CARD8: variants seen among roughly 807,000 people sequenced by gnomAD.
The protein encoded by CARD8 is caspase recruitment domain-containing protein 8.
CARD8 carries 38 observed loss-of-function variants against 53.2 expected under a neutral mutation model. The observed-to-expected ratio is 0.71, with a 90% CI of 0.55 to 0.94. The LOEUF (loss-of-function observed/expected upper bound fraction) is 0.94, where lower values mean the gene tolerates loss of function less well. Among genes scored for constraint, CARD8 ranks in the 40% least tolerant of loss-of-function variants. CARD8 has a pLI of 0.00. For synonymous variants in CARD8, 245 were observed against 244.9 expected (o/e 1.00, Z 0.00); for missense variants, 561 against 655.5 (o/e 0.86, Z 1.57).
intron 5 of CARD8, 144 bp downstream of exon 5, chr19:48,238,239 T>C: frequency 1.5e-6 from 2 of 1,365,146 alleles, no homozygotes; most frequent in Admixed American, 2.9e-5. Context: ...AAATAAAAAC[T>C]TAAGATAACA....
At chr19:48,227,306 C>T (rs1005382490) in intron 10 of CARD8, among the ~76,000 whole-genome samples, 1 of 152,052 alleles carries the variant, frequency 6.6e-6, no homozygotes, top group Non-Finnish European at 1.5e-5. Context: ...CAAGTTGGAG[C>T]TCTGGAGAAT....
At chr19:48,223,855 C>A (rs1224079826) in intron 10 of CARD8, 1 of 456,164 alleles carries the variant, frequency 2.2e-6, no homozygotes, top group Non-Finnish European at 4.4e-6. Flanking sequence ...TATCCTCAGC[C>A]TCTAAAATAG....
chr19:48,217,945 C>T (rs2039670521), intron 12 of CARD8, among the ~76,000 whole-genome samples: 1 of 152,162 alleles, frequency 6.6e-6, no homozygotes, highest in South Asian at 2.1e-4. Context: ...AAATGAAAAG[C>T]ATGAGTATGG....
chr19:48,245,201 T>C (rs1243933674), intron 3 of CARD8, among the ~76,000 whole-genome samples: 1 of 152,086 alleles, frequency 6.6e-6, no homozygotes, highest in African/African-American at 2.4e-5. Flanking sequence ...AACCAGTAAG[T>C]TAGAGAAAGA....
At chr19:48,226,893 C>T (rs555262472) in intron 10 of CARD8, among the ~76,000 whole-genome samples, 6 of 151,842 alleles carry the variant, frequency 4.0e-5, no homozygotes, top group Non-Finnish European at 7.4e-5. Context: ...CTGGCAAACA[C>T]GGTGAACCCT....
rs2043496551 is a variant in CARD8, at chr19:48,234,454, A to C, written c.299T>G (p.Leu100Ter). Residue 100 changes from leucine to a stop codon, truncating the protein, a stop_gained, in exon 6 of 14, where the codon TTA becomes TGA. Coordinates refer to ENST00000651546, the MANE Select transcript of CARD8 (RefSeq NM_001184900.3). LOFTEE classifies it high-confidence loss of function. ...QEDDETEAEP[L>*]LFRAVPECQL... is the part of the protein sequence containing the mutation. ...ACACTCAGGAACAGCACGGAACAAT[A>C]ATGGCTCTGCCTCTGTCTCATCATC... 3.1e-6 allele frequency: 5 copies of C among 1,613,946 alleles called. No individual in the cohort carries two copies. The highest frequency in any genetic ancestry group is 4.2e-6 in the Non-Finnish European group (5 of 1,179,890).
intron 12 of CARD8, among the ~76,000 whole-genome samples, chr19:48,215,872 T>G (rs3786740): frequency 0.53 from 80,004 of 151,974 alleles, 21,245 homozygotes; most frequent in Admixed American, 0.57. Context: ...GCCTTCAATG[T>G]GGTTTTGCAC....
At chr19:48,223,798 T>A in intron 10 of CARD8, 2 of 455,618 alleles carry the variant, frequency 4.4e-6, no homozygotes, top group East Asian at 1.4e-4. Context: ...TAGCATTCCA[T>A]GTAATATCTT....
intron 5 of CARD8, among the ~76,000 whole-genome samples, chr19:48,235,828 T>C (rs569774453): frequency 9.3e-5 from 14 of 151,046 alleles, no homozygotes; most frequent in African/African-American, 3.2e-4. Flanking sequence ...AAAAAAATCA[T>C]TGACAAAAAA....
At position 48,231,735 on chromosome 19, in the gene CARD8, TA is replaced by T. The variant is rs2042932032; in HGVS notation, c.466del (p.Tyr156IlefsTer17). On this transcript the variant is annotated frameshift_variant, in exon 8 of 14. Coordinates refer to ENST00000651546, the MANE Select transcript of CARD8 (RefSeq NM_001184900.3). LOFTEE classifies it high-confidence loss of function. ...AGGCCCCAGAAACTGACGATTTTTA[TA>T]ATCTTCTTCGATCTCAAAACAGACT... is the stretch of plus-strand genomic sequence containing the variant. ...SKVCFEIEED[Y>X]KNRQFLGPEG... is the part of the protein sequence containing the mutation. 3 of 1,613,760 alleles carry T rather than the reference TA, an allele frequency of 1.9e-6. No homozygotes were observed. In the African/African-American group the frequency reaches 4.0e-5, roughly 22 times the overall value.
intron 7 of CARD8, 81 bp downstream of exon 7, chr19:48,232,372 A>G (rs2043074787): frequency 9.1e-6 from 12 of 1,319,208 alleles, no homozygotes; most frequent in Non-Finnish European, 1.3e-5. Flanking sequence ...AAAAGACTCT[A>G]AATTGTCTTC....
chr19:48,239,451 A>G (rs986417682), intron 4 of CARD8, among the ~76,000 whole-genome samples: 7 of 149,910 alleles, frequency 4.7e-5, no homozygotes. Context: ...ATGCCAGATC[A>G]TCTGTCTCAG....
intron 10 of CARD8, chr19:48,223,594 A>G (rs1368281061): frequency 7.0e-6 from 2 of 283,748 alleles, no homozygotes; most frequent in African/African-American, 2.2e-5. Flanking sequence ...ATTCTTTTAC[A>G]TGAACAGATA....
intron 5 of CARD8, among the ~76,000 whole-genome samples, chr19:48,235,052 C>A (rs1488661751): frequency 1.3e-5 from 2 of 151,972 alleles, no homozygotes; most frequent in Non-Finnish European, 2.9e-5. Context: ...CTTCTGCCTG[C>A]AAATGGTGAG....
chr19:48,218,442 C>T (rs2039810727), intron 12 of CARD8, among the ~76,000 whole-genome samples: 1 of 151,306 alleles, frequency 6.6e-6, no homozygotes, highest in Non-Finnish European at 1.5e-5. Context: ...ACTGCAACCC[C>T]CTCCTGGGTT....
At chr19:48,226,198 A>AT in intron 10 of CARD8, among the ~76,000 whole-genome samples, 1 of 152,290 alleles carries the variant, frequency 6.6e-6, no homozygotes, top group Non-Finnish European at 1.5e-5. Context: ...GAATTAAAAA[A>AT]TTTTAATTTT....
At chr19:48,254,165 G>A (rs1406950230) in intron 1 of CARD8, among the ~76,000 whole-genome samples, 2 of 152,174 alleles carry the variant, frequency 1.3e-5, no homozygotes, top group African/African-American at 4.8e-5. Flanking sequence ...ACCTACTTGG[G>A]AGGCTGAGGT....
At chr19:48,219,050 G>A (rs1388432811) in intron 11 of CARD8, 38 bp from the exon 12 acceptor site, 1 of 1,608,788 alleles carries the variant, frequency 6.2e-7, no homozygotes, top group African/African-American at 1.3e-5. Context: ...AGCAGTGGAG[G>A]GTGGAAAGGC....
At chr19:48,206,941 A>C (rs545711452), downstream of CARD8, among the ~76,000 whole-genome samples, 3 of 152,152 alleles carry the variant, frequency 2.0e-5, no homozygotes, top group African/African-American at 7.2e-5. Flanking sequence ...GTTCGACCTT[A>C]TCTCTTAGCG....
Sources: allele counts gnomAD v4.1 joint callset (sites outside exome capture counted in the v4.1 genomes callset), GRCh38; gene constraint gnomAD v4.1.1; transcripts MANE v1.5; gene names NCBI Gene and HGNC (gene_info 2026-07-23, HGNC 2026-07-21).